FLNB: variants seen among roughly 807,000 people sequenced by gnomAD.
FLNB encodes filamin-B.
In FLNB, 111 loss-of-function variants were observed where a neutral mutation model predicts 250.6. That is an observed-to-expected ratio of 0.44 (90% confidence interval 0.38 to 0.52). The LOEUF (loss-of-function observed/expected upper bound fraction) is 0.52. Ranked by LOEUF, FLNB falls within the 20% of genes least tolerant of loss-of-function variation. FLNB has a pLI of 0.00. For synonymous variants in FLNB, 1,302 were observed against 1,372.1 expected (o/e 0.95, Z 1.13); for missense variants, 2,869 against 3,447.8 (o/e 0.83, Z 4.20).
chr3:58,013,646 G>A (rs1304978694), intron 1 of FLNB, among the ~76,000 whole-genome samples: 2 of 152,158 alleles, frequency 1.3e-5, no homozygotes, highest in Non-Finnish European at 2.9e-5. Context: ...CCAACATGGA[G>A]AAACCCCATC....
chr3:58,134,339 C>T (rs565853587), intron 26 of FLNB, among the ~76,000 whole-genome samples: 5 of 152,192 alleles, frequency 3.3e-5, no homozygotes, highest in Non-Finnish European at 5.9e-5. Flanking sequence ...ATTCCCCCAC[C>T]AGGCCCCCTG....
intron 33 of FLNB, 93 bp downstream of exon 33, chr3:58,146,142 A>G (rs2097335483): frequency 3.0e-6 from 4 of 1,333,318 alleles, no homozygotes; most frequent in African/African-American, 1.4e-5. Flanking sequence ...AAGTGAGACA[A>G]TCGAATGGTA....
At chr3:58,097,138 C>T (rs1251557823) in intron 6 of FLNB, among the ~76,000 whole-genome samples, 1 of 152,132 alleles carries the variant, frequency 6.6e-6, no homozygotes, top group African/African-American at 2.4e-5. Context: ...ATGTACCTGC[C>T]CAGACTTTGG....
At chr3:58,036,350 G>C (rs570862868) in intron 1 of FLNB, among the ~76,000 whole-genome samples, 1 of 152,314 alleles carries the variant, frequency 6.6e-6, no homozygotes, top group African/African-American at 2.4e-5. Context: ...TCAGTCTCCC[G>C]AGCATTTGGG....
At chr3:58,139,875 C>T (rs2097323605) in intron 29 of FLNB, among the ~76,000 whole-genome samples, 1 of 152,098 alleles carries the variant, frequency 6.6e-6, no homozygotes, top group Non-Finnish European at 1.5e-5. Context: ...AAGAGAAGAC[C>T]ATATTGGGAA....
intron 4 of FLNB, among the ~76,000 whole-genome samples, chr3:58,083,491 C>G (rs999134631): frequency 1.1e-4 from 16 of 151,492 alleles, no homozygotes; most frequent in Admixed American, 1.1e-3. Flanking sequence ...CTCAGCCTCC[C>G]GAGTAGCTGG....
chr3:58,109,461 A>G, intron 14 of FLNB, 115 bp from the exon 15 acceptor site: 12 of 1,599,048 alleles, frequency 7.5e-6, no homozygotes, highest in Non-Finnish European at 1.0e-5. Context: ...GAGGGGCCCG[A>G]AGGGCAGAGT....
chr3:58,094,785 C>T (rs761549302), intron 4 of FLNB, 51 bp from the exon 5 acceptor site: 31 of 1,479,002 alleles, frequency 2.1e-5, no homozygotes, highest in Non-Finnish European at 2.8e-5. Flanking sequence ...GGCGATGGCT[C>T]ATGACACACC....
rs2097339239 is a variant in FLNB, at chr3:58,148,376, T to C, written c.5887+12T>C. 1 of 1,612,124 alleles carries C rather than the reference T, an allele frequency of 6.2e-7. No homozygotes were observed. Among genetic ancestry groups the C allele is most frequent in the Non-Finnish European group, 8.5e-7 (1 of 1,179,306 alleles). On this transcript the variant is annotated intron_variant, in intron 35 of 45. Coordinates refer to ENST00000295956, the MANE Select transcript of FLNB (RefSeq NM_001457.4). ...CAACAACCACATTGGTGAGCTAGGC[T>C]ACCCTTCCTGGCTGGAGCCAGGACA... is the stretch of plus-strand genomic sequence containing the variant.
chr3:58,051,058 G>A (rs2097161541), intron 1 of FLNB, among the ~76,000 whole-genome samples: 1 of 152,146 alleles, frequency 6.6e-6, no homozygotes, highest in Non-Finnish European at 1.5e-5. Context: ...GTCCCAGCCT[G>A]GCCATTCGTC....
At position 58,123,132 on chromosome 3, in the gene FLNB, G is replaced by C. The variant is rs531172888; in HGVS notation, c.3166G>C (p.Gly1056Arg). Residue 1056 changes from glycine to arginine, a missense_variant, in exon 21 of 46, where the codon GGC (glycine) becomes CGC (arginine). Gly to Arg is a moderately radical substitution (Grantham distance 125). Transcript: ENST00000295956. Reference protein sequence around the residue: ...HGPGLEGGLVGKPAEFTIDTK... With the variant: ...HGPGLEGGLVRKPAEFTIDTK... Reference sequence around the variant, plus strand: ...TCCCGGCCTCGAAGGTGGTCTCGTGGGCAAGCCTGCCGAGTTCACCATCGA... The same window carrying C: ...TCCCGGCCTCGAAGGTGGTCTCGTGCGCAAGCCTGCCGAGTTCACCATCGA... The C allele has an allele frequency of 6.2e-7, 1 of 1,614,190 alleles. No homozygotes were observed. Among genetic ancestry groups the C allele is most frequent in the African/African-American group, 1.3e-5 (1 of 75,044 alleles).
At chr3:58,153,754 C>T (rs756362307) in intron 39 of FLNB, 113 bp downstream of exon 39, 3 of 1,166,332 alleles carry the variant, frequency 2.6e-6, no homozygotes, top group Non-Finnish European at 3.7e-6. Context: ...TGATAGGTGG[C>T]ATTAAGGGCA....
At chr3:58,096,425 C>T (rs995481999) in intron 6 of FLNB, among the ~76,000 whole-genome samples, 1 of 152,166 alleles carries the variant, frequency 6.6e-6, no homozygotes, top group Admixed American at 6.5e-5. Context: ...AAGATTTTTC[C>T]AACTCCATCT....
rs554035785 is a variant in FLNB, at chr3:58,118,860, C to T, written c.2746-12C>T. ...TACCCAAAGGTAAACTGAGTTTTCTCTCTTGTTCCAGGGCAACATGCAGGT... is the reference window on the plus strand; with the variant it reads ...TACCCAAAGGTAAACTGAGTTTTCTTTCTTGTTCCAGGGCAACATGCAGGT... On this transcript the variant is annotated splice_polypyrimidine_tract_variant and intron_variant, in intron 18 of 45. Coordinates refer to ENST00000295956, the MANE Select transcript of FLNB (RefSeq NM_001457.4). 2 of 1,609,088 alleles carry T rather than the reference C, an allele frequency of 1.2e-6. No individual in the cohort carries two copies. The highest frequency in any genetic ancestry group is 3.3e-5 in the Admixed American group (2 of 60,022).
chr3:58,161,061 A>G (rs904466095), intron 42 of FLNB, among the ~76,000 whole-genome samples: 21 of 152,188 alleles, frequency 1.4e-4, no homozygotes, highest in African/African-American at 4.8e-4. Flanking sequence ...GGCAGTGGGG[A>G]GCCTCAGGAG....
At chr3:58,109,761 T>C in intron 15 of FLNB, 62 bp downstream of exon 15, 1 of 1,611,292 alleles carries the variant, frequency 6.2e-7, no homozygotes, top group African/African-American at 1.3e-5. Flanking sequence ...GTTCTTTTCA[T>C]AACGTTTCAA....
chr3:58,083,805 T>TGA (rs2097212855), intron 4 of FLNB, among the ~76,000 whole-genome samples: 1 of 152,160 alleles, frequency 6.6e-6, no homozygotes, highest in African/African-American at 2.4e-5. Context: ...GTGAGGTGTG[T>TGA]GAGACATCAC....
intron 24 of FLNB, among the ~76,000 whole-genome samples, chr3:58,127,542 A>G (rs933843698): frequency 6.6e-6 from 1 of 152,078 alleles, no homozygotes; most frequent in African/African-American, 2.4e-5. Context: ...GGGCTAGATG[A>G]TTCTTTGTGG....
Position 58,106,670 on chromosome 3 carries a change from C to T in FLNB, c.1748-10C>T. 1.9e-6 allele frequency: 3 copies of T among 1,613,812 alleles called. No individual in the cohort carries two copies. The highest frequency in any genetic ancestry group is 4.5e-5 in the East Asian group (2 of 44,870). On this transcript the variant is annotated splice_polypyrimidine_tract_variant and intron_variant, in intron 11 of 45. Transcript: ENST00000295956. ...ATAACCAGGGAGACCCTTCCACCTC[C>T]ACCCCCTAGGGTTTGCCATTGAAGG...
Sources: allele counts gnomAD v4.1 joint callset (sites outside exome capture counted in the v4.1 genomes callset), GRCh38; gene constraint gnomAD v4.1.1; transcripts MANE v1.5; gene names NCBI Gene and HGNC (gene_info 2026-07-23, HGNC 2026-07-21).